WDR72: variants seen among roughly 807,000 people sequenced by gnomAD.
WDR72 encodes the protein WD repeat-containing protein 72.
A neutral mutation model predicts 124.2 loss-of-function variants in WDR72; 120 were observed. That is an observed-to-expected ratio of 0.97 (90% CI 0.83 to 1.12). The LOEUF is 1.12. Among genes scored for constraint, WDR72 ranks in the 50% most tolerant of loss-of-function variants. The pLI is 0.00. For missense variants in WDR72, 1,387 were observed against 1,278.8 expected (o/e 1.08, Z -1.29); for synonymous variants, 452 against 441.7 (o/e 1.02, Z -0.29).
chr15:53,730,459 A>G (rs2018167682), intron 2 of WDR72, among the ~76,000 whole-genome samples: 1 of 152,156 alleles, frequency 6.6e-6, no homozygotes, highest in Non-Finnish European at 1.5e-5. Context: ...TGAAAGCGTA[A>G]ATAAGTGTTC....
In WDR72 at chr15:53,568,533, G is replaced by A. The variant is rs796557667; in HGVS notation, c.3148+28546C>T. ...AAAAATCTGCTTCCCTGTACATCTA[G>A]CAATGTTGTTCACTCTGGCTTCTGT... On this transcript the variant is annotated intron_variant, in intron 18 of 19. Coordinates refer to ENST00000360509, the MANE Select transcript of WDR72 (RefSeq NM_182758.4). Among the ~76,000 whole-genome samples, 3 of 152,088 alleles carry A rather than the reference G, an allele frequency of 2.0e-5. No homozygotes were observed. In the South Asian group the frequency reaches 6.2e-4, roughly 31 times the overall value.
chr15:53,636,506 T>A (rs1021757428), intron 14 of WDR72, among the ~76,000 whole-genome samples: 1 of 152,188 alleles, frequency 6.6e-6, no homozygotes, highest in Non-Finnish European at 1.5e-5. Context: ...TGTTACCATA[T>A]TTTATATAGG....
At chr15:53,585,533 G>GATGC (rs2012159495) in intron 18 of WDR72, among the ~76,000 whole-genome samples, 1 of 152,006 alleles carries the variant, frequency 6.6e-6, no homozygotes, top group Non-Finnish European at 1.5e-5. Context: ...ACTTTCCTGT[G>GATGC]ATGCCCCCAT....
At chr15:53,614,492 A>G (rs923998780) in intron 15 of WDR72, among the ~76,000 whole-genome samples, 4 of 152,094 alleles carry the variant, frequency 2.6e-5, no homozygotes, top group Admixed American at 1.3e-4. Context: ...ATTTGTTTCA[A>G]TGAAGAATTC....
chr15:53,666,860 T>C (rs546529383), intron 13 of WDR72, among the ~76,000 whole-genome samples: 39 of 152,326 alleles, frequency 2.6e-4, no homozygotes, highest in Middle Eastern at 3.4e-3. Context: ...CTTCTTTTAT[T>C]ACAACTAAAC....
At chr15:53,573,021 A>G (rs1430385904) in intron 18 of WDR72, among the ~76,000 whole-genome samples, 3 of 152,202 alleles carry the variant, frequency 2.0e-5, no homozygotes, top group African/African-American at 7.2e-5. Flanking sequence ...GAGGAGGTAG[A>G]GGTATCAGTA....
intron 14 of WDR72, among the ~76,000 whole-genome samples, chr15:53,661,111 G>C (rs2015594416): frequency 6.6e-6 from 1 of 152,164 alleles, no homozygotes; most frequent in Non-Finnish European, 1.5e-5. Context: ...TGCTCCTAAA[G>C]CAGAGTTGAG....
At chr15:53,737,782 A>C (rs1020570017) in intron 1 of WDR72, among the ~76,000 whole-genome samples, 1 of 152,216 alleles carries the variant, frequency 6.6e-6, no homozygotes, top group South Asian at 2.1e-4. Flanking sequence ...AAATACTTGA[A>C]CCACATAATT....
chr15:53,694,386 G>C (rs1595855929), intron 13 of WDR72, among the ~76,000 whole-genome samples: 1 of 152,110 alleles, frequency 6.6e-6, no homozygotes, highest in African/African-American at 2.4e-5. Flanking sequence ...GCCACGAACA[G>C]CCTCCCCACT....
In WDR72 at chr15:53,704,972, A is replaced by G. The variant is rs772789194; in HGVS notation, c.1348+16T>C. ...TAGATAAATCAAATAAATAGGGTCA[A>G]ATAAAATTCAAGGACCTTTTACTAA... On this transcript the variant is annotated intron_variant, in intron 11 of 19. Coordinates refer to ENST00000360509, the MANE Select transcript of WDR72 (RefSeq NM_182758.4). 10 of 1,613,226 alleles carry G rather than the reference A, an allele frequency of 6.2e-6. No homozygotes were observed. Among genetic ancestry groups the G allele is most frequent in the Middle Eastern group, 1.6e-4 (1 of 6,078 alleles).
At chr15:53,607,756 C>T (rs1363714777) in intron 17 of WDR72, among the ~76,000 whole-genome samples, 1 of 151,990 alleles carries the variant, frequency 6.6e-6, no homozygotes, top group African/African-American at 2.4e-5. Flanking sequence ...GCAAACTACC[C>T]ATCTGACAAG....
chr15:53,706,401 T>C (rs1384593750), intron 9 of WDR72, among the ~76,000 whole-genome samples: 3 of 62,376 alleles, frequency 4.8e-5, no homozygotes, highest in African/African-American at 1.1e-4. Flanking sequence ...TATATGGCTA[T>C]GTGTACACAT....
chr15:53,651,353 G>C (rs1388911480), intron 14 of WDR72, among the ~76,000 whole-genome samples: 1 of 152,168 alleles, frequency 6.6e-6, no homozygotes, highest in Non-Finnish European at 1.5e-5. Context: ...TCCCTGCAGA[G>C]CCTTTATCAT....
At chr15:53,607,790 G>A (rs547466610) in intron 17 of WDR72, among the ~76,000 whole-genome samples, 8 of 151,814 alleles carry the variant, frequency 5.3e-5, no homozygotes, top group Non-Finnish European at 1.2e-4. Context: ...GAGTATACAG[G>A]GAGCTCAAAC....
At chr15:53,567,759 C>T (rs547274337) in intron 18 of WDR72, among the ~76,000 whole-genome samples, 8 of 151,522 alleles carry the variant, frequency 5.3e-5, no homozygotes, top group East Asian at 1.9e-4. Flanking sequence ...AAAATGGTAA[C>T]GTTACTAAAA....
At chr15:53,639,674 A>G (rs1350189636) in intron 14 of WDR72, among the ~76,000 whole-genome samples, 1 of 151,788 alleles carries the variant, frequency 6.6e-6, no homozygotes, top group Non-Finnish European at 1.5e-5. Flanking sequence ...TCTGCTATTA[A>G]TAGTTAATAT....
At chr15:53,750,556 C>T (rs2018749119) in intron 1 of WDR72, among the ~76,000 whole-genome samples, 1 of 152,174 alleles carries the variant, frequency 6.6e-6, no homozygotes, top group South Asian at 2.1e-4. Context: ...TCAACTCTTA[C>T]TATTTAAGCT....
intron 18 of WDR72, among the ~76,000 whole-genome samples, chr15:53,549,140 C>T (rs562568125): frequency 7.2e-5 from 11 of 152,180 alleles, no homozygotes; most frequent in East Asian, 1.9e-4. Flanking sequence ...GGACCCAGTA[C>T]GTCACGTACT....
At chr15:53,592,292 C>T (rs558922097) in intron 18 of WDR72, among the ~76,000 whole-genome samples, 2 of 152,122 alleles carry the variant, frequency 1.3e-5, no homozygotes, top group Admixed American at 1.3e-4. Flanking sequence ...TCACTTACTC[C>T]TGGAGATCTT....
Sources: gnomAD v4.1 joint callset for allele counts (sites outside exome capture counted in the v4.1 genomes callset) on GRCh38, gnomAD v4.1.1 for gene constraint, MANE v1.5 for transcripts, NCBI Gene and HGNC (gene_info 2026-07-23, HGNC 2026-07-21) for gene names.